DNER: variants seen among roughly 807,000 people sequenced by gnomAD.
DNER encodes the protein delta and Notch-like epidermal growth factor-related receptor.
DNER carries 33 observed loss-of-function variants against 78.2 expected under a neutral mutation model. The ratio of observed to expected loss-of-function variants is 0.42; its 90% CI spans 0.32 to 0.56. The LOEUF is 0.56. Among genes scored for constraint, DNER ranks in the 20% least tolerant of loss-of-function variants. DNER has a pLI of 0.11. For missense variants in DNER, 918 were observed against 975.3 expected (o/e 0.94, Z 0.78); for synonymous variants, 417 against 384.8 (o/e 1.08, Z -0.98).
At chr2:229,477,324 G>C in intron 6 of DNER, 71 bp from the exon 7 acceptor site, 1 of 1,140,592 alleles carries the variant, frequency 8.8e-7, no homozygotes, top group Non-Finnish European at 1.3e-6. Flanking sequence ...TCTAGGAATT[G>C]ATGGATTCAA....
chr2:229,398,952 A>C (rs995673712), intron 10 of DNER, among the ~76,000 whole-genome samples: 4 of 152,040 alleles, frequency 2.6e-5, no homozygotes, highest in African/African-American at 9.7e-5. Flanking sequence ...CTAAAAAAAA[A>C]CACTACAGCT....
intron 1 of DNER, among the ~76,000 whole-genome samples, chr2:229,683,665 G>T (rs1301082778): frequency 1.3e-5 from 2 of 152,066 alleles, no homozygotes; most frequent in Non-Finnish European, 2.9e-5. Flanking sequence ...GATGATGATG[G>T]TGACAATAAT....
chr2:229,591,549 T>G lies in DNER; in HGVS notation c.585+31A>C. On this transcript the variant is annotated intron_variant, in intron 2 of 12. Transcript: ENST00000341772. This position sits in a 1 kb window ranked among gnomAD's most constrained non-coding sequence, Gnocchi z 4.6. ...TCACTTTAAGATTTCTGGTTTCTAA[T>G]GTAAAAATGCACATGATATAACGTT... 6.3e-7 allele frequency: 1 copy of G among 1,575,216 alleles called. No individual in the cohort carries two copies. The highest frequency in any genetic ancestry group is 8.6e-7 in the Non-Finnish European group (1 of 1,159,488).
chr2:229,485,591 A>G (rs1695252461), intron 6 of DNER, among the ~76,000 whole-genome samples: 2 of 152,128 alleles, frequency 1.3e-5, no homozygotes, highest in Admixed American at 6.5e-5. Context: ...AAATCCCCCC[A>G]CCAACCCATA....
chr2:229,393,433 AT>A (rs1693061607), intron 10 of DNER, among the ~76,000 whole-genome samples: 2 of 152,120 alleles, frequency 1.3e-5, no homozygotes, highest in African/African-American at 2.4e-5. Context: ...CTCAAAAAAA[AT>A]AAAAATAAAA....
At chr2:229,361,660 C>T (rs985809909) in intron 12 of DNER, among the ~76,000 whole-genome samples, 2 of 152,062 alleles carry the variant, frequency 1.3e-5, no homozygotes, top group Non-Finnish European at 2.9e-5. Flanking sequence ...TTCAGTCTGC[C>T]CATCCCTCAA....
chr2:229,694,745 T>C (rs1453914150), intron 1 of DNER, among the ~76,000 whole-genome samples: 1 of 152,250 alleles, frequency 6.6e-6, no homozygotes, highest in Non-Finnish European at 1.5e-5. Context: ...AGTAACTAAC[T>C]TGCTTTTGAT....
intron 10 of DNER, among the ~76,000 whole-genome samples, chr2:229,401,740 C>G (rs1228500419): frequency 2.6e-5 from 4 of 152,094 alleles, no homozygotes; most frequent in African/African-American, 9.7e-5. Context: ...AATATGTTAT[C>G]ATTGGAGGAA....
At chr2:229,550,590 C>T (rs1282199328) in intron 4 of DNER, among the ~76,000 whole-genome samples, 4 of 151,904 alleles carry the variant, frequency 2.6e-5, no homozygotes, top group Non-Finnish European at 5.9e-5. Flanking sequence ...TCCTGGTCAA[C>T]ATGGAGAAAC....
intron 4 of DNER, among the ~76,000 whole-genome samples, chr2:229,565,935 T>C (rs1697098088): frequency 6.6e-6 from 1 of 152,202 alleles, no homozygotes; most frequent in Non-Finnish European, 1.5e-5. Context: ...TTTCAACTTA[T>C]CAAATACTAG....
chr2:229,476,725 A>G (rs1180452141), intron 7 of DNER, among the ~76,000 whole-genome samples: 1 of 152,054 alleles, frequency 6.6e-6, no homozygotes, highest in East Asian at 1.9e-4. Flanking sequence ...AGCCCTAAAG[A>G]TGTGGTTTTT....
intron 3 of DNER, chr2:229,587,145 T>G: frequency 4.6e-6 from 1 of 218,338 alleles, no homozygotes; most frequent in Non-Finnish European, 7.8e-6. Context: ...CAAGGTAAGA[T>G]AATATGATCT....
intron 1 of DNER, among the ~76,000 whole-genome samples, chr2:229,684,101 A>AGTGTGT (rs377602119): frequency 0.41 from 53,563 of 129,622 alleles, 11,136 homozygotes; most frequent in Non-Finnish European, 0.52. Context: ...TACCTACCAG[A>AGTGTGT]GTGTGTGTGT....
At chr2:229,704,878 G>A (rs1699803906) in intron 1 of DNER, among the ~76,000 whole-genome samples, 1 of 152,236 alleles carries the variant, frequency 6.6e-6, no homozygotes, top group Non-Finnish European at 1.5e-5. Flanking sequence ...TCAATTGGAA[G>A]CTAAAGATTT....
At chr2:229,614,183 T>TA (rs1206371691) in intron 1 of DNER, among the ~76,000 whole-genome samples, 3 of 149,774 alleles carry the variant, frequency 2.0e-5, no homozygotes, top group African/African-American at 4.9e-5. Flanking sequence ...GTAATAATAA[T>TA]TAAAAAATTT....
intron 1 of DNER, among the ~76,000 whole-genome samples, chr2:229,616,193 C>T (rs898169880): frequency 6.6e-6 from 1 of 152,182 alleles, no homozygotes; most frequent in African/African-American, 2.4e-5. Flanking sequence ...AGTGTGCCCA[C>T]TGATGCTACT....
rs532301634 is a variant in DNER, at chr2:229,528,550, G to A, written c.994-15614C>T. On this transcript the variant is annotated intron_variant, in intron 5 of 12. Coordinates refer to ENST00000341772, the MANE Select transcript of DNER (RefSeq NM_139072.4). ...AATAAGAAGGGCAATTTCAGTAAAT[G>A]CTGGAGTCAGACATTGAACTCTGAT... is the stretch of plus-strand genomic sequence containing the variant. Among the ~76,000 whole-genome samples the A allele has an allele frequency of 6.6e-5, 10 of 152,270 alleles. No homozygotes were observed. In the South Asian group the frequency reaches 1.9e-3, roughly 28 times the overall value.
chr2:229,504,698 A>G (rs1695699147), intron 6 of DNER, among the ~76,000 whole-genome samples: 1 of 152,242 alleles, frequency 6.6e-6, no homozygotes, highest in African/African-American at 2.4e-5. Context: ...ATTGTCTTAA[A>G]CCATGCATTT....
In DNER at chr2:229,714,501, G is replaced by A. The variant is rs1454447864; in HGVS notation, c.-78C>T. 12 of 1,072,722 alleles carry A rather than the reference G, an allele frequency of 1.1e-5. No individual in the cohort carries two copies. The highest frequency in any genetic ancestry group is 1.4e-5 in the Non-Finnish European group (12 of 888,626). 66.5% of individuals were successfully genotyped at this position (1,072,722 alleles called of 1,614,324 possible). On this transcript the variant is annotated 5_prime_UTR_variant, in exon 1 of 13. Coordinates refer to ENST00000341772, the MANE Select transcript of DNER (RefSeq NM_139072.4). ...CGGTGGCAGTGGCGACGAGAGCTGCGAGAGCGACGGTGGCGGCTAGGGCTG... is the reference window on the plus strand; with the variant it reads ...CGGTGGCAGTGGCGACGAGAGCTGCAAGAGCGACGGTGGCGGCTAGGGCTG...
Sources: gnomAD v4.1 joint callset for allele counts (sites outside exome capture counted in the v4.1 genomes callset) on GRCh38, gnomAD v4.1.1 for gene constraint, Gnocchi (gnomAD v3.1) non-coding constraint, MANE v1.5 for transcripts, NCBI Gene and HGNC (gene_info 2026-07-23, HGNC 2026-07-21) for gene names.